The following SLC39A14 variants were observed in gnomAD, a reference collection of about 807,000 sequenced individuals.
SLC39A14 encodes metal cation symporter ZIP14.
A neutral mutation model predicts 45.5 loss-of-function variants in SLC39A14; 19 were observed. That is an observed-to-expected ratio of 0.42 (90% CI 0.29 to 0.61). The LOEUF is 0.61. Ranked by LOEUF, SLC39A14 falls within the 20% of genes least tolerant of loss-of-function variation. The pLI, the probability that SLC39A14 is intolerant of heterozygous loss-of-function variation, is 0.22. For missense variants in SLC39A14, 447 were observed against 616.5 expected, an observed-to-expected ratio of 0.73 and a Z score of 2.91; for synonymous variants, 264 against 251.3, an observed-to-expected ratio of 1.05 and a Z score of -0.48.
chr8:22,405,149 A>T (rs1835140811), intron 2 of SLC39A14, among the ~76,000 whole-genome samples, 169 bp downstream of exon 2: 1 of 152,196 alleles, frequency 6.6e-6, no homozygotes, highest in South Asian at 2.1e-4. Context: ...TCATTGTCTG[A>T]ATCAGCAAAT....
chr8:22,403,275 C>CTATTTATT (rs71206519), intron 1 of SLC39A14, among the ~76,000 whole-genome samples: 6 of 147,186 alleles, frequency 4.1e-5, no homozygotes, highest in East Asian at 2.1e-4. Flanking sequence ...TGCGCCCGGC[C>CTATTTATT]TATTTATTTA....
Position 22,416,204 on chromosome 8 carries a change from T to C in SLC39A14, c.1071T>C (p.Ala357=). The C allele has an allele frequency of 1.2e-6, 2 of 1,613,950 alleles. No individual in the cohort carries two copies. Among genetic ancestry groups the C allele is most frequent in the Non-Finnish European group, 1.7e-6 (2 of 1,179,994 alleles). The change falls in exon 7 of 9, where the codon GCT becomes GCC. Residue 357 remains alanine, a synonymous_variant. Coordinates refer to ENST00000381237, the MANE Select transcript of SLC39A14 (RefSeq NM_001128431.4). ...HNFIDGLAIG[A]SFTVSVFQGI... ...TCATCGATGGCCTGGCCATCGGTGC[T>C]TCCTTCACTGTGTCAGTTTTCCAAG...
chr8:22,412,991 A>G (rs1835667870), intron 4 of SLC39A14, among the ~76,000 whole-genome samples: 1 of 152,182 alleles, frequency 6.6e-6, no homozygotes, highest in African/African-American at 2.4e-5. Flanking sequence ...CTCAGTAAAA[A>G]GATTGTCCAT....
chr8:22,385,766 G>T (rs1833759617), intron 1 of SLC39A14, among the ~76,000 whole-genome samples: 1 of 152,256 alleles, frequency 6.6e-6, no homozygotes, highest in East Asian at 1.9e-4. Context: ...GGAGGATGAG[G>T]TGGGGGGATT....
intron 1 of SLC39A14, among the ~76,000 whole-genome samples, chr8:22,387,189 C>T (rs548575951): frequency 6.9e-6 from 1 of 144,244 alleles, no homozygotes; most frequent in Non-Finnish European, 1.5e-5. Context: ...AAAAAAAAGG[C>T]AGTAGTTATT....
At chr8:22,412,629 C>CACCACA (rs1835642688) in intron 4 of SLC39A14, among the ~76,000 whole-genome samples, 2 of 152,230 alleles carry the variant, frequency 1.3e-5, no homozygotes, top group Admixed American at 6.5e-5. Flanking sequence ...CAGATTAAGG[C>CACCACA]TTTGGGTGCA....
Position 22,400,447 on chromosome 8 carries a change from G to A in SLC39A14, c.-15-4249G>A, listed in dbSNP as rs550061405. On this transcript the variant is annotated intron_variant, in intron 1 of 8. Transcript: ENST00000381237. ...GGCAGACCTCCCCCTTGTTTTGACA[G>A]TACAACTCCTGCCATCGACAGTTCA... Among the ~76,000 whole-genome samples the A allele has an allele frequency of 1.2e-4, 19 of 152,284 alleles. No individual in the cohort carries two copies. The South Asian group carries it at 3.3e-3, about 27-fold the overall frequency.
chr8:22,368,872 A>G (rs534732835), intron 1 of SLC39A14, among the ~76,000 whole-genome samples: 20 of 152,216 alleles, frequency 1.3e-4, no homozygotes, highest in African/African-American at 4.3e-4. Context: ...CTAAATATGG[A>G]CAAGAACTTG....
intron 3 of SLC39A14, chr8:22,411,760 A>G: frequency 2.6e-6 from 1 of 382,106 alleles, no homozygotes; most frequent in Non-Finnish European, 4.8e-6. Flanking sequence ...GGCAGAAGTC[A>G]CAGGGTTCCA....
At chr8:22,379,720 A>G (rs1016037691) in intron 1 of SLC39A14, among the ~76,000 whole-genome samples, 8 of 152,066 alleles carry the variant, frequency 5.3e-5, no homozygotes, top group Admixed American at 1.3e-4. Context: ...CACGAGGTCA[A>G]GAGATCGAGA....
chr8:22,432,214 C>T (rs1213785390), intron 8 of SLC39A14, among the ~76,000 whole-genome samples: 2 of 151,918 alleles, frequency 1.3e-5, no homozygotes, highest in Middle Eastern at 3.2e-3. Flanking sequence ...TGCCTGTGGT[C>T]CCAGCTACTT....
Position 22,415,237 on chromosome 8 carries a change from A to G in SLC39A14, c.750+335A>G, listed in dbSNP as rs1835803513. The G allele has an allele frequency of 3.4e-5, 9 of 268,246 alleles. No individual in the cohort carries two copies. The South Asian group carries it at 4.6e-4, about 14-fold the overall frequency. The allele number at this position is 268,246 out of a possible 1,614,324, so 16.6% of individuals were successfully genotyped here. On this transcript the variant is annotated intron_variant, in intron 5 of 8. Transcript: ENST00000381237. ...ATGCATTCATTCTGTATGAAGTATG[A>G]GGCTGCAGAGAAACAGGACTATTAT...
intron 8 of SLC39A14, among the ~76,000 whole-genome samples, chr8:22,432,022 T>A (rs1836474169): frequency 6.6e-6 from 1 of 152,240 alleles, no homozygotes; most frequent in South Asian, 2.1e-4. Context: ...TTAACTCTAT[T>A]GGAACTAGGC....
rs534308731 is a variant in SLC39A14, at chr8:22,429,116, CA to C, written c.1333-4769del. Among the ~76,000 whole-genome samples, 76 of 152,060 alleles carry C rather than the reference CA, an allele frequency of 5.0e-4. No homozygotes were observed. The East Asian group carries it at 0.014, about 28-fold the overall frequency. ...TGAAACCCCGTCTCTACTAAAAATA[CA>C]AAAAATTGGCTGGGCGTGGTGGCGG... is the stretch of plus-strand genomic sequence containing the variant. On this transcript the variant is annotated intron_variant, in intron 8 of 8. Transcript: ENST00000240095.
In SLC39A14 at chr8:22,419,003, T is replaced by C. The variant is rs1278101557; in HGVS notation, c.1333-549T>C. 2.7e-5 allele frequency among the ~76,000 whole-genome samples: 4 copies of C among 150,638 alleles called. No homozygotes were observed. In the East Asian group the frequency reaches 7.9e-4, roughly 30 times the overall value. On this transcript the variant is annotated intron_variant, in intron 8 of 8. Coordinates refer to ENST00000381237, the MANE Select transcript of SLC39A14 (RefSeq NM_001128431.4). ...ATGTTCGCACCACTGCACTCGAGCC[T>C]GGGCAAGAGCGAGTGGAAAAAAGGA... is the stretch of plus-strand genomic sequence containing the variant.
In SLC39A14 at chr8:22,399,717, A is replaced by G. The variant is rs34720234; in HGVS notation, c.-15-4979A>G. On this transcript the variant is annotated intron_variant, in intron 1 of 8. Coordinates refer to ENST00000381237, the MANE Select transcript of SLC39A14 (RefSeq NM_001128431.4). ...GAAGGTGCCTCTTGCCTAGCACTCC[A>G]GGCTGTCATAGCAGCCACCTGAGGG... Among the ~76,000 whole-genome samples, 873 of 152,346 alleles carry G rather than the reference A, an allele frequency of 5.7e-3. 5 individuals are homozygous for G. The highest frequency in any genetic ancestry group is 9.6e-3 in the Non-Finnish European group (653 of 68,018).
rs528169497 is a variant in SLC39A14, at chr8:22,375,087, T to C, written c.-16+7679T>C. Among the ~76,000 whole-genome samples, 24 of 152,262 alleles carry C rather than the reference T, an allele frequency of 1.6e-4. 1 individual carries two copies. Among genetic ancestry groups the C allele is most frequent in the African/African-American group, 5.8e-4 (24 of 41,560 alleles). On this transcript the variant is annotated intron_variant, in intron 1 of 8. Transcript: ENST00000381237. ...GAGCAACTCCATGGCCCCACGTCCATGTCCTCTGTACCAGTCCACTTCCTC... is the reference window on the plus strand; with the variant it reads ...GAGCAACTCCATGGCCCCACGTCCACGTCCTCTGTACCAGTCCACTTCCTC...
intron 1 of SLC39A14, 25 bp from the exon 2 acceptor site, chr8:22,404,671 C>A: frequency 6.3e-7 from 1 of 1,594,472 alleles, no homozygotes; most frequent in Non-Finnish European, 8.6e-7. Flanking sequence ...GAGGCCTCAG[C>A]TTCACCTGCC....
intron 1 of SLC39A14, among the ~76,000 whole-genome samples, chr8:22,397,568 C>T (rs940426917): frequency 1.6e-4 from 24 of 151,568 alleles, no homozygotes; most frequent in South Asian, 8.3e-4. Context: ...AAAGAGCGGG[C>T]GAAAGAGCGA....
Sources: allele counts gnomAD v4.1 joint callset (sites outside exome capture counted in the v4.1 genomes callset), GRCh38; gene constraint gnomAD v4.1.1; transcripts MANE v1.5; gene names NCBI Gene and HGNC (gene_info 2026-07-23, HGNC 2026-07-21).